IGF2R: variants seen among roughly 807,000 people sequenced by gnomAD.
The protein encoded by IGF2R is insulin like growth factor 2 receptor, also known as cation-independent mannose-6-phosphate receptor.
Under a neutral mutation model 270.6 loss-of-function variants are expected in IGF2R, and 91 were observed. The ratio of observed to expected loss-of-function variants is 0.34; its 90% CI spans 0.28 to 0.40. IGF2R has a LOEUF of 0.40. Among genes scored for constraint, IGF2R ranks in the 10% least tolerant of loss-of-function variants. IGF2R has a pLI of 1.00. For synonymous variants in IGF2R, 1,316 were observed against 1,258.9 expected (o/e 1.05, Z -0.96); for missense variants, 2,805 against 3,188.3 (o/e 0.88, Z 2.90).
chr6:159,994,944 C>T (rs954532243), intron 2 of IGF2R, among the ~76,000 whole-genome samples: 22 of 152,098 alleles, frequency 1.4e-4, no homozygotes. Context: ...CTTTAAATGT[C>T]TTTTAGGTCC....
At chr6:160,067,724 G>A (rs1008850540) in intron 29 of IGF2R, among the ~76,000 whole-genome samples, 4 of 152,204 alleles carry the variant, frequency 2.6e-5, no homozygotes, top group Non-Finnish European at 5.9e-5. Flanking sequence ...GTTACTGTCT[G>A]TATTTGGGAT....
At chr6:159,977,588 C>A (rs1396790492) in intron 1 of IGF2R, among the ~76,000 whole-genome samples, 1 of 152,220 alleles carries the variant, frequency 6.6e-6, no homozygotes, top group Non-Finnish European at 1.5e-5. Context: ...TGGCTGTGTC[C>A]AATCACTTCT....
chr6:160,032,628 A>T lies in IGF2R; in HGVS notation c.960A>T (p.Arg320Ser). Reference protein sequence around the residue: ...IEWITEYACHRDYLESKTCSL... With the variant: ...IEWITEYACHSDYLESKTCSL... The stretch of plus-strand genomic sequence containing the variant: ...GGATTACTGAGTATGCCTGCCACAG[A>T]GATTACCTGGAAAGTAAAACTTGTT... The change falls in exon 8 of 48, where the codon AGA (arginine) becomes AGT (serine). Residue 320 changes from arginine (R) to serine (S), a missense_variant. This residue lies in a region of IGF2R where 954 missense variants were observed against 981.1 expected (regional missense o/e 0.97). Transcript: ENST00000356956. 1 of 1,614,206 alleles carries T rather than the reference A, an allele frequency of 6.2e-7. No individual in the cohort carries two copies. The highest frequency in any genetic ancestry group is 1.1e-5 in the South Asian group (1 of 91,084).
chr6:159,984,661 A>G (rs1562332303), intron 1 of IGF2R, among the ~76,000 whole-genome samples: 1 of 152,234 alleles, frequency 6.6e-6, no homozygotes, highest in Non-Finnish European at 1.5e-5. Context: ...AGTAGGCGAC[A>G]CCATCTATGT....
In IGF2R at chr6:160,084,011, G is replaced by A. The variant is rs1395209805; in HGVS notation, c.5895G>A (p.Arg1965=). The A allele has an allele frequency of 1.2e-6, 2 of 1,614,160 alleles. No individual in the cohort carries two copies. Among genetic ancestry groups the A allele is most frequent in the Admixed American group, 1.7e-5 (1 of 60,026 alleles). ...FKCDEDEDIG[R]PQVFSEVRGC... is the part of the protein sequence containing the mutation. ...GTGATGAAGATGAGGACATTGGGAG[G>A]CCACAAGTCTTCAGTGAAGTGCGTG... is the stretch of plus-strand genomic sequence containing the variant. Residue 1965 remains arginine, a synonymous_variant, in exon 40 of 48, where the codon AGG becomes AGA. Transcript: ENST00000356956. The surrounding 1 kb of genome is among the most constrained non-coding windows in gnomAD (Gnocchi z 4.6).
chr6:160,012,475 G>A (rs565035973), intron 4 of IGF2R, among the ~76,000 whole-genome samples: 5 of 152,202 alleles, frequency 3.3e-5, no homozygotes, highest in African/African-American at 1.2e-4. Context: ...ATGGCAGAAG[G>A]CAACAGAGTA....
At chr6:160,035,959 T>C (rs944563797) in intron 10 of IGF2R, among the ~76,000 whole-genome samples, 1 of 152,132 alleles carries the variant, frequency 6.6e-6, no homozygotes, top group Non-Finnish European at 1.5e-5. Flanking sequence ...CAGTCCCGTG[T>C]TGGGGTGGCT....
At chr6:160,083,082 C>T (rs989411308) in intron 39 of IGF2R, among the ~76,000 whole-genome samples, 11 of 152,196 alleles carry the variant, frequency 7.2e-5, no homozygotes, top group Admixed American at 5.9e-4. Context: ...TGAGTTCCCT[C>T]AGTTTTTATT....
intron 15 of IGF2R, 138 bp downstream of exon 15, chr6:160,046,783 C>T (rs1217954981): frequency 3.6e-5 from 35 of 964,072 alleles, no homozygotes; most frequent in Non-Finnish European, 5.0e-5. Flanking sequence ...GGTCTGAAAA[C>T]TGAAGGATGT....
intron 31 of IGF2R, among the ~76,000 whole-genome samples, chr6:160,070,347 T>C (rs895910363): frequency 6.6e-6 from 1 of 152,234 alleles, no homozygotes; most frequent in Non-Finnish European, 1.5e-5. Context: ...GTTGTTTGAC[T>C]ACATGCCCTT....
intron 4 of IGF2R, among the ~76,000 whole-genome samples, chr6:160,012,064 T>C (rs938979802): frequency 1.3e-5 from 2 of 151,884 alleles, no homozygotes; most frequent in African/African-American, 4.8e-5. Flanking sequence ...GATATGGTCA[T>C]CTATGAAGGG....
chr6:160,058,494 A>G (rs1049432037), intron 21 of IGF2R, among the ~76,000 whole-genome samples: 6 of 152,202 alleles, frequency 3.9e-5, no homozygotes, highest in Admixed American at 3.9e-4. Flanking sequence ...TTTTTAATGG[A>G]ATAACAAATT....
chr6:160,018,001 ATAT>A (rs1471552521), intron 4 of IGF2R, among the ~76,000 whole-genome samples: 2 of 152,214 alleles, frequency 1.3e-5, no homozygotes, highest in African/African-American at 4.8e-5. Context: ...AAAACCTCAC[ATAT>A]TAATATTAAC....
chr6:160,028,892 T>C (rs994694990), intron 6 of IGF2R, among the ~76,000 whole-genome samples: 1 of 151,898 alleles, frequency 6.6e-6, no homozygotes, highest in Non-Finnish European at 1.5e-5. Flanking sequence ...AGTCAAATGG[T>C]GTTTCTTCCT....
intron 12 of IGF2R, 71 bp downstream of exon 12, chr6:160,043,359 A>G (rs1300063077): frequency 4.0e-6 from 6 of 1,500,782 alleles, no homozygotes; most frequent in East Asian, 2.3e-5. Flanking sequence ...GAGTTAGAAG[A>G]TCTTTCTGTG....
At chr6:159,986,294 C>T (rs932706257) in intron 1 of IGF2R, among the ~76,000 whole-genome samples, 5 of 149,122 alleles carry the variant, frequency 3.4e-5, no homozygotes, top group Non-Finnish European at 7.4e-5. Context: ...TGCAGTGGTG[C>T]GATCTCGGCT....
intron 35 of IGF2R, among the ~76,000 whole-genome samples, chr6:160,075,566 A>T (rs1192824400): frequency 1.3e-5 from 2 of 152,224 alleles, no homozygotes; most frequent in Non-Finnish European, 2.9e-5. Flanking sequence ...GACTGGAGAG[A>T]TTCCTATTGC....
intron 1 of IGF2R, among the ~76,000 whole-genome samples, chr6:159,974,891 G>C (rs1242710746): frequency 3.3e-5 from 5 of 152,244 alleles, no homozygotes; most frequent in African/African-American, 1.2e-4. Context: ...TTAACTCTAG[G>C]ATCAATTTTT....
intron 2 of IGF2R, among the ~76,000 whole-genome samples, chr6:159,993,656 G>A (rs190039661): frequency 7.6e-4 from 116 of 152,228 alleles, no homozygotes; most frequent in Middle Eastern, 6.8e-3. Context: ...GTAACATGAT[G>A]CCTCCAGCTT....
Sources: gnomAD v4.1 joint callset for allele counts (sites outside exome capture counted in the v4.1 genomes callset) on GRCh38, gnomAD v4.1.1 for gene constraint, gnomAD v4.1.1 regional missense constraint, Gnocchi (gnomAD v3.1) non-coding constraint, MANE v1.5 for transcripts, NCBI Gene and HGNC (gene_info 2026-07-23, HGNC 2026-07-21) for gene names.